The following MELK variants were observed in gnomAD, a reference collection of about 807,000 sequenced individuals.
The protein encoded by MELK is maternal embryonic leucine zipper kinase.
MELK carries 81 observed loss-of-function variants against 85.0 expected under a neutral mutation model. That is an observed-to-expected ratio of 0.95 (90% CI 0.80 to 1.15). MELK has a LOEUF of 1.15. Among genes scored for constraint, MELK ranks in the 50% most tolerant of loss-of-function variants. The pLI, the probability that MELK is intolerant of heterozygous loss-of-function variation, is 0.00. For synonymous variants in MELK, 252 were observed against 265.0 expected (o/e 0.95, Z 0.48); for missense variants, 754 against 777.5 (o/e 0.97, Z 0.36).
intron 11 of MELK, among the ~76,000 whole-genome samples, chr9:36,646,766 C>T (rs1830252395): frequency 6.6e-6 from 1 of 152,214 alleles, no homozygotes; most frequent in South Asian, 2.1e-4. Context: ...GGAGGAGGGT[C>T]AGAGGAAGGG....
chr9:36,607,465 GTTCT>G, intron 7 of MELK, 106 bp from the exon 8 acceptor site: 1 of 805,218 alleles, frequency 1.2e-6, no homozygotes, highest in African/African-American at 1.7e-5. Context: ...TGATATCTGA[GTTCT>G]TTTTTAGCTT....
intron 16 of MELK, 21 bp from the exon 17 acceptor site, chr9:36,674,813 C>G (rs1833198680): frequency 2.1e-6 from 3 of 1,453,690 alleles, no homozygotes; most frequent in Non-Finnish European, 2.9e-6. Context: ...TACTTCTCAT[C>G]TCTTCTTTTT....
intron 8 of MELK, among the ~76,000 whole-genome samples, chr9:36,615,071 A>ACCCC (rs1321109637): frequency 6.6e-5 from 4 of 60,458 alleles, no homozygotes; most frequent in African/African-American, 4.4e-4. Context: ...GGGGGGGCTG[A>ACCCC]CCCCCCCCCC....
intron 17 of MELK, 123 bp from the exon 18 acceptor site, chr9:36,677,037 A>G: frequency 1.3e-6 from 1 of 794,856 alleles, no homozygotes; most frequent in Non-Finnish European, 1.9e-6. Flanking sequence ...AACTGTAAAC[A>G]GTAATACATT....
chr9:36,666,853 T>TTGTGTG (rs5897643), intron 14 of MELK, among the ~76,000 whole-genome samples: 2,291 of 130,754 alleles, frequency 0.018, 39 homozygotes, highest in Non-Finnish European at 0.022. Context: ...ATGTCTGTGT[T>TTGTGTG]TGTGTGTGTG....
intron 9 of MELK, among the ~76,000 whole-genome samples, chr9:36,631,231 A>G (rs1228268719): frequency 6.6e-6 from 1 of 151,924 alleles, no homozygotes; most frequent in East Asian, 1.9e-4. Context: ...CTCAAAATCC[A>G]AAGTGCTGGG....
intron 5 of MELK, 27 bp downstream of exon 5, chr9:36,594,798 C>T (rs761991908): frequency 3.1e-6 from 5 of 1,599,578 alleles, no homozygotes; most frequent in Non-Finnish European, 4.3e-6. Context: ...CAGTTAGATG[C>T]TCACCTTCAG....
intron 3 of MELK, among the ~76,000 whole-genome samples, chr9:36,586,231 T>A (rs1048876820): frequency 6.6e-6 from 1 of 151,852 alleles, no homozygotes; most frequent in Non-Finnish European, 1.5e-5. Flanking sequence ...TAGTCCCAGC[T>A]ACTTGCGGGG....
At chr9:36,639,421 T>G (rs1329202561) in intron 10 of MELK, among the ~76,000 whole-genome samples, 1 of 152,260 alleles carries the variant, frequency 6.6e-6, no homozygotes, top group Non-Finnish European at 1.5e-5. Context: ...AGATGCTGTC[T>G]GTTCTGTAAC....
rs1320138260 is a variant in MELK, at chr9:36,671,167, G to GTAA, written c.1674+2_1674+4dup. The GTAA allele has an allele frequency of 6.3e-7, 1 of 1,578,694 alleles. No individual in the cohort carries two copies. The highest frequency in any genetic ancestry group is 8.6e-7 in the Non-Finnish European group (1 of 1,163,926). ...CAGAGACGGGCCCAGAAGACTAAAG[G>GTAA]TAAGCAGGCTGGAATTCTTTCATAT... On this transcript the variant is annotated splice_donor_variant, in intron 16 of 17. Transcript: ENST00000298048. LOFTEE classifies it high-confidence loss of function.
At position 36,650,446 on chromosome 9, in the gene MELK, T is replaced by G. The variant is rs972425973; in HGVS notation, c.922-1300T>G. 2.0e-5 allele frequency among the ~76,000 whole-genome samples: 3 copies of G among 152,082 alleles called. No individual in the cohort carries two copies. In the East Asian group the frequency reaches 5.8e-4, roughly 29 times the overall value. ...AGTTTTCAAAGATAAAAATGAAAGT[T>G]CATACAAAAAGGCTGGAGAATCAAA... On this transcript the variant is annotated intron_variant, in intron 11 of 17. Coordinates refer to ENST00000298048, the MANE Select transcript of MELK (RefSeq NM_014791.4).
intron 11 of MELK, among the ~76,000 whole-genome samples, 187 bp downstream of exon 11, chr9:36,643,270 C>T (rs1238076827): frequency 6.6e-6 from 1 of 152,134 alleles, no homozygotes; most frequent in Admixed American, 6.5e-5. Flanking sequence ...GTAATCCCAG[C>T]TACTTGGGAG....
At chr9:36,638,955 T>A (rs1829481040) in intron 10 of MELK, among the ~76,000 whole-genome samples, 1 of 152,160 alleles carries the variant, frequency 6.6e-6, no homozygotes, top group Non-Finnish European at 1.5e-5. Context: ...GCTAGCTGAT[T>A]CAAGCTCAGG....
chr9:36,623,653 G>A (rs1481194204), intron 8 of MELK, among the ~76,000 whole-genome samples: 1 of 152,240 alleles, frequency 6.6e-6, no homozygotes, highest in East Asian at 1.9e-4. Context: ...CAGTGGGGCA[G>A]TGCTCCATTG....
chr9:36,615,375 C>T (rs1272654650), intron 8 of MELK, among the ~76,000 whole-genome samples: 5 of 130,224 alleles, frequency 3.8e-5, no homozygotes, highest in Admixed American at 7.3e-5. Context: ...CCGGTCGGCA[C>T]GGCTGGCCGG....
intron 16 of MELK, among the ~76,000 whole-genome samples, chr9:36,673,424 A>T (rs1156266421): frequency 6.6e-6 from 1 of 152,002 alleles, no homozygotes; most frequent in Non-Finnish European, 1.5e-5. Context: ...ATTTTATTTT[A>T]TTTTATTTGT....
At chr9:36,602,487 CAAAAAAAA>C (rs765623860) in intron 7 of MELK, among the ~76,000 whole-genome samples, 2 of 41,372 alleles carry the variant, frequency 4.8e-5, no homozygotes, top group East Asian at 7.9e-4. Context: ...AAGACTGTCT[CAAAAAAAA>C]AAAAAAAAAA....
chr9:36,609,385 A>G (rs1289298377), intron 8 of MELK, among the ~76,000 whole-genome samples: 1 of 152,146 alleles, frequency 6.6e-6, no homozygotes, highest in African/African-American at 2.4e-5. Flanking sequence ...CTTGTGTTCC[A>G]TAGCAAACTG....
At chr9:36,593,118 A>G (rs975429487) in intron 4 of MELK, among the ~76,000 whole-genome samples, 1 of 148,564 alleles carries the variant, frequency 6.7e-6, no homozygotes, top group African/African-American at 2.5e-5. Context: ...ATATCAATCT[A>G]TAGTCTTAAT....
Sources: gnomAD v4.1 joint callset for allele counts (sites outside exome capture counted in the v4.1 genomes callset) on GRCh38, gnomAD v4.1.1 for gene constraint, MANE v1.5 for transcripts, NCBI Gene and HGNC (gene_info 2026-07-23, HGNC 2026-07-21) for gene names.